Variants in C1orf87 observed in about 807,000 individuals in gnomAD.
C1orf87 encodes uncharacterized protein C1orf87.
A neutral mutation model predicts 60.5 loss-of-function variants in C1orf87; 58 were observed. The observed-to-expected ratio is 0.96, with a 90% CI of 0.78 to 1.19. The LOEUF (loss-of-function observed/expected upper bound fraction) is 1.19. C1orf87 is among the 50% of genes most tolerant of loss of function. The pLI, the probability that C1orf87 is intolerant of heterozygous loss-of-function variation, is 0.00. For synonymous variants in C1orf87, 236 were observed against 227.4 expected (o/e 1.04, Z -0.34); for missense variants, 673 against 638.6 (o/e 1.05, Z -0.58).
intron 3 of C1orf87, among the ~76,000 whole-genome samples, chr1:60,043,085 GTGCA>G: frequency 6.6e-6 from 1 of 152,274 alleles, no homozygotes; most frequent in East Asian, 1.9e-4. Flanking sequence ...AACCTCAAAG[GTGCA>G]TGCATGCATG....
In C1orf87 at chr1:60,010,382, T is replaced by G. The variant is rs769992588; in HGVS notation, c.1192+10A>C. 2 of 1,610,042 alleles carry G rather than the reference T, an allele frequency of 1.2e-6. No individual in the cohort carries two copies. Among genetic ancestry groups the G allele is most frequent in the Non-Finnish European group, 1.7e-6 (2 of 1,177,334 alleles). ...AGGTCTCTCTGGAGCAAAAAAATAA[T>G]GGAACTCACCTGTAGGCAAATCAGA... is the stretch of plus-strand genomic sequence containing the variant. On this transcript the variant is annotated intron_variant, in intron 9 of 11. Transcript: ENST00000371201.
intron 2 of C1orf87, among the ~76,000 whole-genome samples, chr1:60,059,124 G>T (rs2100323542): frequency 6.6e-6 from 1 of 152,216 alleles, no homozygotes; most frequent in South Asian, 2.1e-4. Context: ...TCAAGAAAAT[G>T]ACTCTCTAGC....
intron 8 of C1orf87, among the ~76,000 whole-genome samples, chr1:60,011,622 T>C (rs1373520224): frequency 6.6e-6 from 1 of 152,124 alleles, no homozygotes; most frequent in Admixed American, 6.6e-5. Context: ...AGTATCTTTA[T>C]CTTTCTCCAT....
At chr1:60,067,292 G>A (rs1645553292) in intron 2 of C1orf87, among the ~76,000 whole-genome samples, 1 of 152,122 alleles carries the variant, frequency 6.6e-6, no homozygotes, top group Non-Finnish European at 1.5e-5. Flanking sequence ...CAGTGTAAAA[G>A]CGTTCCTATT....
chr1:60,009,271 T>C (rs1477376966), intron 9 of C1orf87, among the ~76,000 whole-genome samples: 1 of 152,002 alleles, frequency 6.6e-6, no homozygotes, highest in East Asian at 1.9e-4. Context: ...AAGGCAGAGA[T>C]TGGAGTTACA....
intron 10 of C1orf87, among the ~76,000 whole-genome samples, chr1:59,998,264 G>A (rs76883159): frequency 5.0e-4 from 76 of 152,114 alleles, no homozygotes; most frequent in African/African-American, 1.8e-3. Context: ...AGGCTTGTGG[G>A]TCCATTTCAA....
At chr1:60,050,726 G>A (rs891673753) in intron 3 of C1orf87, among the ~76,000 whole-genome samples, 1 of 152,014 alleles carries the variant, frequency 6.6e-6, no homozygotes, top group African/African-American at 2.4e-5. Context: ...AAACTGAAAT[G>A]AGAAAGTTTC....
chr1:60,003,631 T>A (rs563199314), intron 9 of C1orf87, among the ~76,000 whole-genome samples: 1 of 152,082 alleles, frequency 6.6e-6, no homozygotes, highest in African/African-American at 2.4e-5. Context: ...AATTTTAGCA[T>A]CAAACTTACA....
At chr1:60,031,384 G>A (rs188269301) in intron 7 of C1orf87, among the ~76,000 whole-genome samples, 29 of 152,316 alleles carry the variant, frequency 1.9e-4, no homozygotes, top group Non-Finnish European at 1.6e-4. Context: ...CAAGGAAAAT[G>A]TACCCCATTT....
intron 2 of C1orf87, among the ~76,000 whole-genome samples, chr1:60,067,558 GGGT>G (rs1557483229): frequency 3.2e-5 from 1 of 31,202 alleles, no homozygotes. Flanking sequence ...CTTTTTGATG[GGGT>G]TTTTTTTTTT....
chr1:60,006,345 A>G (rs1484176416), intron 9 of C1orf87, among the ~76,000 whole-genome samples: 1 of 151,992 alleles, frequency 6.6e-6, no homozygotes, highest in East Asian at 1.9e-4. Context: ...AATAAACCAA[A>G]ATCTCTATAT....
chr1:60,055,641 A>G (rs916160356), intron 2 of C1orf87, among the ~76,000 whole-genome samples: 1 of 152,186 alleles, frequency 6.6e-6, no homozygotes, highest in Non-Finnish European at 1.5e-5. Flanking sequence ...TGCAGGCTTT[A>G]TCTTTTTCCT....
chr1:60,039,884 G>A (rs992381077), intron 5 of C1orf87, 33 bp downstream of exon 5: 48 of 1,588,396 alleles, frequency 3.0e-5, no homozygotes, highest in Non-Finnish European at 3.9e-5. Context: ...GAAACAAAAG[G>A]AACCCACACT....
intron 9 of C1orf87, 50 bp downstream of exon 9, chr1:60,010,342 G>T: frequency 1.3e-6 from 2 of 1,491,266 alleles, no homozygotes; most frequent in Non-Finnish European, 1.9e-6. Context: ...GTCAACAATA[G>T]CTGTGAAAAA....
At chr1:60,041,368 G>A (rs1333158514) in intron 3 of C1orf87, among the ~76,000 whole-genome samples, 1 of 152,116 alleles carries the variant, frequency 6.6e-6, no homozygotes, top group East Asian at 1.9e-4. Context: ...TCACACTTAG[G>A]TATGTCTCAT....
Position 60,001,074 on chromosome 1 carries a change from T to C in C1orf87, c.1272+3A>G. The stretch of plus-strand genomic sequence containing the variant: ...CCAAACTCTATATACCCCAGGTGCA[T>C]ACCATATGTTCAGTTTTGCTTTGAG... On this transcript the variant is annotated splice_donor_region_variant and intron_variant, in intron 10 of 11. Coordinates refer to ENST00000371201, the MANE Select transcript of C1orf87 (RefSeq NM_152377.3). 4 of 1,606,774 alleles carry C rather than the reference T, an allele frequency of 2.5e-6. No homozygotes were observed. Among genetic ancestry groups the C allele is most frequent in the African/African-American group, 1.3e-5 (1 of 74,474 alleles).
intron 2 of C1orf87, among the ~76,000 whole-genome samples, chr1:60,070,295 T>A (rs531815911): frequency 6.6e-6 from 1 of 152,346 alleles, no homozygotes; most frequent in East Asian, 1.9e-4. Flanking sequence ...GATTTCTCTT[T>A]TTCTATCCAT....
At position 60,010,415 on chromosome 1, in the gene C1orf87, T is replaced by C; in HGVS notation, c.1169A>G (p.Asp390Gly). The part of the protein sequence containing the change: ...FVEMLTRASS[D>G]LLSDLPTGKN... Reference sequence around the variant, plus strand: ...ACCTGTAGGCAAATCAGATAACAAATCAGAAGAAGCTCTGGTCAGCATCTC... The same window carrying C: ...ACCTGTAGGCAAATCAGATAACAAACCAGAAGAAGCTCTGGTCAGCATCTC... Residue 390 changes from aspartate to glycine, a missense_variant, in exon 9 of 12, where the codon GAT becomes GGT. Coordinates refer to ENST00000371201, the MANE Select transcript of C1orf87 (RefSeq NM_152377.3). The C allele has an allele frequency of 6.2e-7, 1 of 1,612,300 alleles. No homozygotes were observed. The highest frequency in any genetic ancestry group is 8.5e-7 in the Non-Finnish European group (1 of 1,178,902).
At chr1:60,004,386 C>G (rs773047920) in intron 9 of C1orf87, among the ~76,000 whole-genome samples, 2 of 151,990 alleles carry the variant, frequency 1.3e-5, no homozygotes, top group Non-Finnish European at 2.9e-5. Flanking sequence ...TGCCCTTAAG[C>G]AAATCGAGCT....
Sources: gnomAD v4.1 joint callset for allele counts (sites outside exome capture counted in the v4.1 genomes callset) on GRCh38, gnomAD v4.1.1 for gene constraint, MANE v1.5 for transcripts, NCBI Gene and HGNC (gene_info 2026-07-23, HGNC 2026-07-21) for gene names.